CUL3: variants seen among roughly 807,000 people sequenced by gnomAD.
CUL3 encodes the protein cullin 3.
In CUL3, 19 loss-of-function variants were observed where a neutral mutation model predicts 89.1. That is an observed-to-expected ratio of 0.21 (90% CI 0.15 to 0.31). CUL3 has a LOEUF of 0.31. Ranked by LOEUF, CUL3 falls within the 10% of genes least tolerant of loss-of-function variation. The probability of loss-of-function intolerance (pLI) is 1.00; values close to 1 mark genes in which losing one functional copy is unlikely to be tolerated. For missense variants in CUL3, 469 were observed against 942.3 expected, an observed-to-expected ratio of 0.50 and a Z score of 6.58; for synonymous variants, 351 against 308.4, an observed-to-expected ratio of 1.14 and a Z score of -1.45.
chr2:224,509,636 G>GT (rs1359880308), intron 6 of CUL3, among the ~76,000 whole-genome samples: 1 of 152,166 alleles, frequency 6.6e-6, no homozygotes, highest in African/African-American at 2.4e-5. Context: ...CTTCATTCAC[G>GT]TAAGTGCTCG....
At chr2:224,496,879 C>T (rs145833272) in intron 12 of CUL3, among the ~76,000 whole-genome samples, 272 of 152,120 alleles carry the variant, frequency 1.8e-3, no homozygotes, top group Middle Eastern at 6.8e-3. Flanking sequence ...GAAAAAAAAC[C>T]CTCTTTTAAA....
At chr2:224,529,020 A>G (rs1294722929) in intron 3 of CUL3, among the ~76,000 whole-genome samples, 1 of 152,206 alleles carries the variant, frequency 6.6e-6, no homozygotes, top group Non-Finnish European at 1.5e-5. Context: ...AAGATAGGAA[A>G]TCATTTTGTT....
At chr2:224,530,107 C>T (rs755223498) in intron 3 of CUL3, among the ~76,000 whole-genome samples, 17 of 151,976 alleles carry the variant, frequency 1.1e-4, no homozygotes, top group Non-Finnish European at 2.1e-4. Context: ...GGCGTGGTGG[C>T]AGGCGCCTGT....
At chr2:224,476,851 C>T (rs1691340805) in intron 15 of CUL3, among the ~76,000 whole-genome samples, 2 of 152,106 alleles carry the variant, frequency 1.3e-5, no homozygotes, top group African/African-American at 4.8e-5. Flanking sequence ...AGCCCAAACC[C>T]TTCAACTCTA....
At chr2:224,545,501 A>G (rs1472256036) in intron 2 of CUL3, among the ~76,000 whole-genome samples, 2 of 152,216 alleles carry the variant, frequency 1.3e-5, no homozygotes, top group African/African-American at 4.8e-5. Context: ...CAGTGGAAAT[A>G]TTCCCCATTC....
At chr2:224,527,263 A>C (rs994230419) in intron 3 of CUL3, among the ~76,000 whole-genome samples, 1 of 152,256 alleles carries the variant, frequency 6.6e-6, no homozygotes, top group Non-Finnish European at 1.5e-5. Context: ...TTTCCAGAAT[A>C]TAGTTATTTT....
intron 13 of CUL3, among the ~76,000 whole-genome samples, chr2:224,492,411 A>AC: frequency 6.6e-6 from 1 of 152,162 alleles, no homozygotes; most frequent in South Asian, 2.1e-4. Context: ...TTTCTATTTA[A>AC]ATTCTGACAT....
chr2:224,509,985 A>C (rs936947652), intron 6 of CUL3, among the ~76,000 whole-genome samples: 5 of 152,200 alleles, frequency 3.3e-5, no homozygotes, highest in Non-Finnish European at 7.3e-5. Flanking sequence ...GCTGAGGAAA[A>C]ACTGTAAAGA....
intron 2 of CUL3, among the ~76,000 whole-genome samples, chr2:224,544,881 A>G (rs1341385010): frequency 6.6e-6 from 1 of 152,032 alleles, no homozygotes. Flanking sequence ...GGTTAAAAAG[A>G]AACACTGCAA....
intron 3 of CUL3, among the ~76,000 whole-genome samples, chr2:224,533,737 C>G (rs1306589874): frequency 1.3e-5 from 2 of 152,162 alleles, no homozygotes; most frequent in Non-Finnish European, 2.9e-5. Context: ...CATTTAACTT[C>G]AAAATGATAA....
At chr2:224,500,625 TTC>T in intron 10 of CUL3, 138 bp from the exon 11 acceptor site, 12 of 760,384 alleles carry the variant, frequency 1.6e-5, no homozygotes, top group Admixed American at 1.1e-4. Context: ...AGATTTTCTT[TTC>T]TTTTTTTTTT....
intron 14 of CUL3, among the ~76,000 whole-genome samples, chr2:224,481,294 A>G (rs1691530457): frequency 2.6e-5 from 4 of 151,964 alleles, no homozygotes; most frequent in Admixed American, 2.6e-4. Flanking sequence ...TCAATCAGCA[A>G]GGGTGGAGTG....
chr2:224,563,327 C>T (rs1230277695), intron 1 of CUL3: 4 of 465,320 alleles, frequency 8.6e-6, no homozygotes, highest in South Asian at 6.3e-5. Flanking sequence ...TACTGGGTCT[C>T]TATGTATTTT....
chr2:224,582,443 A>T (rs917082774), intron 1 of CUL3, among the ~76,000 whole-genome samples: 1 of 152,236 alleles, frequency 6.6e-6, no homozygotes, highest in Non-Finnish European at 1.5e-5. Context: ...ATCTATCTGT[A>T]ACAAAGGGCC....
chr2:224,583,388 C>T (rs6750647), intron 1 of CUL3, among the ~76,000 whole-genome samples: 1 of 152,052 alleles, frequency 6.6e-6, no homozygotes, highest in African/African-American at 2.4e-5. Flanking sequence ...CTGTTGTATA[C>T]AACTATTAAC....
At chr2:224,536,827 C>A (rs915141497) in intron 2 of CUL3, among the ~76,000 whole-genome samples, 4 of 152,232 alleles carry the variant, frequency 2.6e-5, no homozygotes, top group Non-Finnish European at 4.4e-5. Flanking sequence ...GACCATTTCA[C>A]TCAGAAACAG....
intron 13 of CUL3, among the ~76,000 whole-genome samples, chr2:224,493,435 T>C (rs1692058136): frequency 6.6e-6 from 1 of 152,332 alleles, no homozygotes; most frequent in South Asian, 2.1e-4. Flanking sequence ...TGCCCCAGAT[T>C]TGAGGTGTCA....
intron 6 of CUL3, among the ~76,000 whole-genome samples, chr2:224,509,609 G>A (rs575212854): frequency 3.3e-5 from 5 of 152,324 alleles, no homozygotes; most frequent in African/African-American, 1.2e-4. Context: ...ACTCTGGTGA[G>A]TACTATTATG....
intron 1 of CUL3, among the ~76,000 whole-genome samples, chr2:224,574,141 A>T (rs1193935499): frequency 7.9e-5 from 12 of 152,188 alleles, no homozygotes; most frequent in African/African-American, 2.9e-4. Flanking sequence ...ATCTCTAAGG[A>T]ATCTTATATT....
Sources: gnomAD v4.1 joint callset for allele counts (sites outside exome capture counted in the v4.1 genomes callset) on GRCh38, gnomAD v4.1.1 for gene constraint, MANE v1.5 for transcripts, NCBI Gene and HGNC (gene_info 2026-07-23, HGNC 2026-07-21) for gene names.